Variants in ANAPC4 observed in about 807,000 individuals in gnomAD.
The protein encoded by ANAPC4 is anaphase-promoting complex subunit 4.
A neutral mutation model predicts 119.8 loss-of-function variants in ANAPC4; 63 were observed. That is an observed-to-expected ratio of 0.53 (90% confidence interval 0.43 to 0.65). The LOEUF (loss-of-function observed/expected upper bound fraction) is 0.65, where lower values mean the gene tolerates loss of function less well. ANAPC4 is among the 30% of genes least tolerant of loss of function. ANAPC4 has a pLI of 0.00. For missense variants in ANAPC4, 716 were observed against 945.1 expected (o/e 0.76, Z 3.18); for synonymous variants, 283 against 318.6 (o/e 0.89, Z 1.19).
At chr4:25,382,224 T>C (rs1480710125) in intron 3 of ANAPC4, among the ~76,000 whole-genome samples, 2 of 152,220 alleles carry the variant, frequency 1.3e-5, no homozygotes, top group African/African-American at 2.4e-5. Flanking sequence ...TTACTAAACC[T>C]GTTGCCCTTT....
chr4:25,415,571 T>C, intron 26 of ANAPC4, 31 bp downstream of exon 26: 1 of 1,565,972 alleles, frequency 6.4e-7, no homozygotes, highest in South Asian at 1.1e-5. Context: ...GGATGAAATG[T>C]AGATACATGT....
intron 16 of ANAPC4, among the ~76,000 whole-genome samples, chr4:25,397,632 C>A (rs1375033186): frequency 6.6e-6 from 1 of 152,098 alleles, no homozygotes; most frequent in Non-Finnish European, 1.5e-5. Context: ...CTTTAGGATT[C>A]CCTGAGGGTT....
chr4:25,384,450 G>C (rs2109112415), intron 4 of ANAPC4, among the ~76,000 whole-genome samples: 1 of 152,324 alleles, frequency 6.6e-6, no homozygotes, highest in Non-Finnish European at 1.5e-5. Context: ...CTTTCTAGAA[G>C]GTTTTCAGTT....
chr4:25,380,655 C>A, intron 3 of ANAPC4, 176 bp downstream of exon 3: 1 of 433,296 alleles, frequency 2.3e-6, no homozygotes, highest in South Asian at 6.6e-5. Context: ...ATTAATTCTG[C>A]TATCTTGTTT....
chr4:25,377,826 C>G (rs1721492371), intron 2 of ANAPC4, among the ~76,000 whole-genome samples: 1 of 152,240 alleles, frequency 6.6e-6, no homozygotes, highest in Non-Finnish European at 1.5e-5. Context: ...TCACGCAATC[C>G]TGCTTCCCCA....
intron 14 of ANAPC4, 125 bp from the exon 15 acceptor site, chr4:25,396,539 A>C: frequency 1.4e-6 from 1 of 736,436 alleles, no homozygotes; most frequent in Non-Finnish European, 2.2e-6. Flanking sequence ...AGAAATAATT[A>C]TTTCTCATGG....
chr4:25,387,905 G>A (rs531230434), intron 4 of ANAPC4, among the ~76,000 whole-genome samples: 1 of 152,112 alleles, frequency 6.6e-6, no homozygotes. Flanking sequence ...GGGAGGCTGA[G>A]GCAGGAGGAA....
At chr4:25,417,881 T>A (rs1280753144) in intron 28 of ANAPC4, 142 bp downstream of exon 28, 2 of 1,184,680 alleles carry the variant, frequency 1.7e-6, no homozygotes, top group East Asian at 5.0e-5. Context: ...TTGATTATGA[T>A]CATGTGGTGG....
Position 25,418,173 on chromosome 4 carries a change from C to T in ANAPC4, c.2218C>T (p.His740Tyr). ...TTTTTAGTTAAGCTCAAATCTTCGT[C>T]ATGTGAGAGTATTTGAAATGGACAT... ...VSCVLSSNLR[H>Y]VRVFEMDIDD... Residue 740 changes from histidine (H) to tyrosine (Y), a missense_variant, in exon 29 of 29, where the codon CAT becomes TAT. His to Tyr is a moderately conservative substitution (Grantham distance 83, BLOSUM62 2). Coordinates refer to ENST00000315368, the MANE Select transcript of ANAPC4 (RefSeq NM_013367.3). 6.2e-7 allele frequency: 1 copy of T among 1,612,914 alleles called. No homozygotes were observed. Among genetic ancestry groups the T allele is most frequent in the African/African-American group, 1.3e-5 (1 of 74,952 alleles).
At chr4:25,413,106 A>G (rs1723665383) in intron 21 of ANAPC4, 1 of 145,420 alleles carries the variant, frequency 6.9e-6, no homozygotes, top group Non-Finnish European at 1.5e-5. Context: ...TGTTTACTTC[A>G]TATGGCTATT....
In ANAPC4 at chr4:25,409,741, C is replaced by G. The variant is rs758241289; in HGVS notation, c.1475C>G (p.Thr492Arg). ...GATGATCTTGTGTCACCCCCTAACACAGAAGGAAACCAGTGGTATGACTTT... is the reference window on the plus strand; with the variant it reads ...GATGATCTTGTGTCACCCCCTAACAGAGAAGGAAACCAGTGGTATGACTTT... ...EDDDLVSPPN[T>R]EGNQWYDFLQ... Residue 492 changes from threonine to arginine, a missense_variant, in exon 21 of 29, where the codon ACA becomes AGA. Thr to Arg is a moderately conservative substitution (Grantham distance 71). Around this residue, in one of 3 missense-constraint regions of ANAPC4, gnomAD observed 504 missense variants for 615.8 expected, o/e 0.82. Transcript: ENST00000315368. 6.2e-7 allele frequency: 1 copy of G among 1,613,346 alleles called. No homozygotes were observed. Among genetic ancestry groups the G allele is most frequent in the South Asian group, 1.1e-5 (1 of 91,022 alleles).
chr4:25,396,950 G>T, intron 16 of ANAPC4, 51 bp downstream of exon 16: 3 of 1,519,838 alleles, frequency 2.0e-6, no homozygotes, highest in South Asian at 2.4e-5. Flanking sequence ...TGTCACTTTT[G>T]ACCTAAATAA....
intron 20 of ANAPC4, among the ~76,000 whole-genome samples, chr4:25,408,523 CAAA>C (rs753508822): frequency 4.3e-5 from 4 of 93,548 alleles, no homozygotes; most frequent in Admixed American, 1.1e-4. Context: ...GCAGGTTTTC[CAAA>C]AAAAAAAAAA....
At chr4:25,401,354 C>T (rs534152873) in intron 16 of ANAPC4, among the ~76,000 whole-genome samples, 7 of 152,278 alleles carry the variant, frequency 4.6e-5, no homozygotes, top group Admixed American at 2.0e-4. Context: ...CTGGTGCCCA[C>T]GTGAAAGTGC....
Position 25,414,625 on chromosome 4 carries a change from A to G in ANAPC4, c.1751A>G (p.His584Arg), listed in dbSNP as rs1315911506. The change falls in exon 25 of 29, where the codon CAT becomes CGT. Residue 584 changes from histidine to arginine, a missense_variant. By Grantham distance (29) the His-to-Arg change is conservative. This residue lies in a region of ANAPC4 where 504 missense variants were observed against 615.8 expected (regional missense o/e 0.82). Coordinates refer to ENST00000315368, the MANE Select transcript of ANAPC4 (RefSeq NM_013367.3). ...TGGAATAATAAAACTTCAAATCTAC[A>G]TTATCTTCTTTTTACTATTCTAGAA... ...FLWNNKTSNL[H>R]YLLFTILEDS... 1.3e-6 allele frequency: 2 copies of G among 1,554,968 alleles called. No homozygotes were observed. Among genetic ancestry groups the G allele is most frequent in the Admixed American group, 3.9e-5 (2 of 50,866 alleles).
At chr4:25,400,569 G>A (rs1722911804) in intron 16 of ANAPC4, among the ~76,000 whole-genome samples, 1 of 152,196 alleles carries the variant, frequency 6.6e-6, no homozygotes, top group African/African-American at 2.4e-5. Context: ...TAATGGAACA[G>A]GAGGGCTCTG....
chr4:25,381,449 T>G (rs1721720118), intron 3 of ANAPC4, among the ~76,000 whole-genome samples: 1 of 152,066 alleles, frequency 6.6e-6, no homozygotes, highest in Non-Finnish European at 1.5e-5. Flanking sequence ...TAACTAAGAC[T>G]ACAGGCGTGC....
In ANAPC4 at chr4:25,418,331, T is replaced by C; in HGVS notation, c.2376T>C (p.Ala792=). The change falls in exon 29 of 29, where the codon GCT becomes GCC. Residue 792 remains alanine, a synonymous_variant. Transcript: ENST00000315368. ...ENQQAGAAAL[A]PEIVIKVEKL... ...AACAAGCTGGTGCTGCCGCTTTAGC[T>C]CCAGAGATAGTCATTAAAGTGGAAA... is the stretch of plus-strand genomic sequence containing the variant. The C allele has an allele frequency of 6.2e-7, 1 of 1,614,054 alleles. No individual in the cohort carries two copies. The highest frequency in any genetic ancestry group is 1.7e-5 in the Admixed American group (1 of 60,008).
At position 25,409,576 on chromosome 4, in the gene ANAPC4, G is replaced by A. The variant is rs568877162; in HGVS notation, c.1432-122G>A. Reference sequence around the variant, plus strand: ...GTTAAAAAAGTGTTAAAAATAAACCGATTTTAGGCCCTAAGTCTTTGATTT... The same window carrying A: ...GTTAAAAAAGTGTTAAAAATAAACCAATTTTAGGCCCTAAGTCTTTGATTT... On this transcript the variant is annotated intron_variant, in intron 20 of 28. Coordinates refer to ENST00000315368, the MANE Select transcript of ANAPC4 (RefSeq NM_013367.3). 1.3e-3 allele frequency: 822 copies of A among 637,438 alleles called. 7 individuals carry two copies. In the African/African-American group the frequency reaches 0.013, roughly 10 times the overall value. 39.5% of individuals were successfully genotyped at this position (637,438 alleles called of 1,614,324 possible). A position where few individuals can be genotyped will look rare whatever the true frequency, so the allele number is the denominator to read the frequency against.
Sources: gnomAD v4.1 joint callset for allele counts (sites outside exome capture counted in the v4.1 genomes callset) on GRCh38, gnomAD v4.1.1 for gene constraint, gnomAD v4.1.1 regional missense constraint, MANE v1.5 for transcripts, NCBI Gene and HGNC (gene_info 2026-07-23, HGNC 2026-07-21) for gene names.